GALNT2: variants seen among roughly 807,000 people sequenced by gnomAD.
The protein encoded by GALNT2 is polypeptide N-acetylgalactosaminyltransferase 2.
Under a neutral mutation model 81.4 loss-of-function variants are expected in GALNT2, and 31 were observed. That is an observed-to-expected ratio of 0.38 (90% CI 0.29 to 0.51). The LOEUF (loss-of-function observed/expected upper bound fraction) is 0.51, where lower values mean the gene tolerates loss of function less well. Ranked by LOEUF, GALNT2 falls within the 20% of genes least tolerant of loss-of-function variation. The pLI is 0.87. For missense variants in GALNT2, 629 were observed against 765.7 expected (o/e 0.82, Z 2.11); for synonymous variants, 303 against 287.4 (o/e 1.05, Z -0.55).
chr1:230,190,403 A>G (rs556638260), intron 2 of GALNT2, among the ~76,000 whole-genome samples: 3 of 152,332 alleles, frequency 2.0e-5, no homozygotes, highest in African/African-American at 4.8e-5. Flanking sequence ...AGTTTCTTAG[A>G]GTTGGCTCCT....
At chr1:230,178,939 C>G (rs975923683) in intron 2 of GALNT2, among the ~76,000 whole-genome samples, 2 of 152,132 alleles carry the variant, frequency 1.3e-5, no homozygotes, top group Non-Finnish European at 1.5e-5. Flanking sequence ...TTTGCTCCCC[C>G]CAGCCCCTGG....
At chr1:230,162,109 C>T (rs563676244) in intron 1 of GALNT2, among the ~76,000 whole-genome samples, 2 of 152,276 alleles carry the variant, frequency 1.3e-5, no homozygotes, top group African/African-American at 4.8e-5. Context: ...GTTGAACAAG[C>T]TTGTATAGAC....
At chr1:230,115,255 C>T (rs765524412) in intron 1 of GALNT2, among the ~76,000 whole-genome samples, 9 of 152,122 alleles carry the variant, frequency 5.9e-5, no homozygotes, top group Non-Finnish European at 1.2e-4. Context: ...CCACCTGCCT[C>T]GGCCTCCCAG....
chr1:230,077,873 C>G (rs1458471358), intron 1 of GALNT2, among the ~76,000 whole-genome samples: 1 of 152,230 alleles, frequency 6.6e-6, no homozygotes, highest in Non-Finnish European at 1.5e-5. Flanking sequence ...CCTCAATTCA[C>G]CATCCATTCC....
intron 2 of GALNT2, 126 bp from the exon 3 acceptor site, chr1:230,203,011 T>C (rs536621151): frequency 1.9e-6 from 2 of 1,038,120 alleles, no homozygotes; most frequent in African/African-American, 3.2e-5. Context: ...TAGTTTGTTG[T>C]TTAAAATGGC....
upstream of GALNT2, among the ~76,000 whole-genome samples, chr1:230,064,313 T>C (rs1009264986): frequency 6.6e-6 from 1 of 152,222 alleles, no homozygotes; most frequent in Non-Finnish European, 1.5e-5. Context: ...GTATATACAC[T>C]AGTCTTTCAC....
intron 1 of GALNT2, among the ~76,000 whole-genome samples, chr1:230,173,271 A>C (rs1461568879): frequency 4.6e-5 from 7 of 152,142 alleles, no homozygotes; most frequent in Non-Finnish European, 1.0e-4. Context: ...ACTCTAGACC[A>C]AGGGGTGATG....
chr1:230,135,164 A>G (rs974966103), intron 1 of GALNT2, among the ~76,000 whole-genome samples: 1 of 152,044 alleles, frequency 6.6e-6, no homozygotes, highest in Non-Finnish European at 1.5e-5. Flanking sequence ...AGGAAAAGCC[A>G]TGCATCCTGG....
At chr1:230,082,260 G>A (rs564920992) in intron 1 of GALNT2, among the ~76,000 whole-genome samples, 1 of 152,248 alleles carries the variant, frequency 6.6e-6, no homozygotes, top group Non-Finnish European at 1.5e-5. Flanking sequence ...AATGAAGCAG[G>A]TGTCACATTT....
At chr1:230,119,261 A>G (rs889056024) in intron 1 of GALNT2, among the ~76,000 whole-genome samples, 5 of 151,988 alleles carry the variant, frequency 3.3e-5, no homozygotes, top group Non-Finnish European at 1.5e-5. Context: ...ACTTGTGCGT[A>G]CAGGTTTTTG....
At chr1:230,155,547 A>G (rs770854494) in intron 1 of GALNT2, among the ~76,000 whole-genome samples, 1 of 152,142 alleles carries the variant, frequency 6.6e-6, no homozygotes, top group Non-Finnish European at 1.5e-5. Flanking sequence ...ATCAGGAATG[A>G]CTGAATCAGG....
intron 1 of GALNT2, among the ~76,000 whole-genome samples, chr1:230,127,651 G>A (rs1489863632): frequency 1.3e-5 from 2 of 151,686 alleles, no homozygotes; most frequent in Non-Finnish European, 2.9e-5. Flanking sequence ...TGGGATTACA[G>A]ATGTGAGCCA....
chr1:230,120,322 T>C (rs113549681), intron 1 of GALNT2, among the ~76,000 whole-genome samples: 89 of 140,770 alleles, frequency 6.3e-4, no homozygotes, highest in African/African-American at 2.3e-3. Flanking sequence ...AGGACGTGCC[T>C]ATCAGGAACA....
chr1:230,138,420 G>A (rs139591222), intron 1 of GALNT2, among the ~76,000 whole-genome samples: 2,037 of 151,798 alleles, frequency 0.013, 56 homozygotes, highest in African/African-American at 0.046. Flanking sequence ...AGCTACTTGG[G>A]AGGCTGAGGC....
intron 1 of GALNT2, among the ~76,000 whole-genome samples, chr1:230,069,676 G>T (rs1439249287): frequency 6.7e-6 from 1 of 149,096 alleles, no homozygotes; most frequent in Non-Finnish European, 1.5e-5. Flanking sequence ...CACTAGAAGT[G>T]TCTCTAAATT....
chr1:230,218,556 G>T (rs12059857), intron 3 of GALNT2, among the ~76,000 whole-genome samples: 3,098 of 152,286 alleles, frequency 0.02, 108 homozygotes, highest in African/African-American at 0.07. Flanking sequence ...AATACTAGCT[G>T]CTATTCAGGA....
At chr1:230,155,067 A>G (rs1037131362) in intron 1 of GALNT2, among the ~76,000 whole-genome samples, 4 of 152,124 alleles carry the variant, frequency 2.6e-5, no homozygotes, top group African/African-American at 9.7e-5. Context: ...TCCAAACATC[A>G]GGGTCCTCCC....
chr1:230,097,337 C>T (rs1387539263), intron 1 of GALNT2, among the ~76,000 whole-genome samples: 2 of 152,072 alleles, frequency 1.3e-5, no homozygotes, highest in African/African-American at 2.4e-5. Flanking sequence ...CCATGTCCAC[C>T]GTACATCCAC....
chr1:230,167,966 C>CT (rs918113550), intron 1 of GALNT2, among the ~76,000 whole-genome samples: 2 of 152,074 alleles, frequency 1.3e-5, no homozygotes, highest in Non-Finnish European at 2.9e-5. Context: ...AAAATACCCC[C>CT]CCCTTTTTTT....
Sources: allele counts gnomAD v4.1 joint callset (sites outside exome capture counted in the v4.1 genomes callset), GRCh38; gene constraint gnomAD v4.1.1; transcripts MANE v1.5; gene names NCBI Gene and HGNC (gene_info 2026-07-23, HGNC 2026-07-21).